The following KCNK3 variants were observed in gnomAD, a reference collection of about 807,000 sequenced individuals.
KCNK3 encodes the protein potassium two pore domain channel subfamily K member 3, also known as potassium channel subfamily K member 3.
Under a neutral mutation model 27.3 loss-of-function variants are expected in KCNK3, and 9 were observed. The observed-to-expected ratio is 0.33, with a 90% CI of 0.20 to 0.57. The LOEUF (loss-of-function observed/expected upper bound fraction) is 0.57. Ranked by LOEUF, KCNK3 falls within the 20% of genes least tolerant of loss-of-function variation. The pLI, the probability that KCNK3 is intolerant of heterozygous loss-of-function variation, is 0.87. For synonymous variants in KCNK3, 278 were observed against 273.8 expected (o/e 1.02, Z -0.15); for missense variants, 391 against 577.7 (o/e 0.68, Z 3.31).
intron 1 of KCNK3, among the ~76,000 whole-genome samples, chr2:26,701,458 G>A (rs1443051011): frequency 6.6e-6 from 1 of 152,168 alleles, no homozygotes; most frequent in Non-Finnish European, 1.5e-5. Flanking sequence ...GGGACCACTG[G>A]TCCTCAGTTG....
chr2:26,726,082 T>TACACAC (rs147849352), intron 1 of KCNK3, among the ~76,000 whole-genome samples: 2 of 139,946 alleles, frequency 1.4e-5, no homozygotes, highest in African/African-American at 5.3e-5. Flanking sequence ...AAATCATGCA[T>TACACAC]ACACACACAC....
chr2:26,726,902 A>G (rs533565016), intron 1 of KCNK3, among the ~76,000 whole-genome samples: 1 of 152,158 alleles, frequency 6.6e-6, no homozygotes, highest in Non-Finnish European at 1.5e-5. Context: ...CAGATCCTAC[A>G]TCAGGTCAAG....
intron 1 of KCNK3, among the ~76,000 whole-genome samples, chr2:26,719,088 C>T (rs990992841): frequency 6.6e-6 from 1 of 152,202 alleles, no homozygotes; most frequent in Middle Eastern, 3.2e-3. Flanking sequence ...TTTAACCAAA[C>T]TCTATTGGTG....
chr2:26,702,498 G>A (rs778947196), intron 1 of KCNK3, among the ~76,000 whole-genome samples: 11 of 152,206 alleles, frequency 7.2e-5, no homozygotes, highest in Non-Finnish European at 1.5e-4. Flanking sequence ...TGCTCTGAGT[G>A]TGTCCAAGGG....
At position 26,729,933 on chromosome 2, in the gene KCNK3, C is replaced by CT. The variant is rs1663506076; in HGVS notation, c.*1365_*1366insT. The CT allele has an allele frequency of 6.6e-6, 1 of 152,080 alleles. No individual in the cohort carries two copies. 9.4% of individuals were successfully genotyped at this position (152,080 alleles called of 1,614,324 possible). On this transcript the variant is annotated 3_prime_UTR_variant, in exon 2 of 2. Coordinates refer to ENST00000302909, the MANE Select transcript of KCNK3 (RefSeq NM_002246.3). ...TTCCAGCTTGGCCTGCTCTTAAAAG[C>CT]AAAGCTCCTGCAGTGTACATCCTGG...
Position 26,708,234 on chromosome 2 carries a change from G to A in KCNK3, c.283+15076G>A, listed in dbSNP as rs533331452. On this transcript the variant is annotated intron_variant, in intron 1 of 1. Coordinates refer to ENST00000302909, the MANE Select transcript of KCNK3 (RefSeq NM_002246.3). ...GAACAGATTTCTGGGCAGGGGAAGAGCAGATGCAAAGGCCTCAAGCAGGCC... is the reference window on the plus strand; with the variant it reads ...GAACAGATTTCTGGGCAGGGGAAGAACAGATGCAAAGGCCTCAAGCAGGCC... Among the ~76,000 whole-genome samples the A allele has an allele frequency of 3.9e-5, 6 of 152,308 alleles. No homozygotes were observed. In the East Asian group the frequency reaches 1.2e-3, roughly 29 times the overall value.
At chr2:26,709,718 GTAAA>G (rs1217237990) in intron 1 of KCNK3, among the ~76,000 whole-genome samples, 6 of 152,254 alleles carry the variant, frequency 3.9e-5, no homozygotes, top group African/African-American at 1.4e-4. Flanking sequence ...AGGCCTTTCC[GTAAA>G]TGCTTCACAC....
chr2:26,717,989 G>A (rs1663262261), intron 1 of KCNK3, among the ~76,000 whole-genome samples: 1 of 152,178 alleles, frequency 6.6e-6, no homozygotes, highest in Non-Finnish European at 1.5e-5. Context: ...GGGGCTTACA[G>A]TTTCACCCAT....
chr2:26,697,403 G>T (rs543416311), intron 1 of KCNK3, among the ~76,000 whole-genome samples: 1 of 152,298 alleles, frequency 6.6e-6, no homozygotes, highest in South Asian at 2.1e-4. Context: ...TACTCAGGAG[G>T]CTGAGGCATG....
chr2:26,728,523 C>T lies in KCNK3; in HGVS notation c.1140C>T (p.Ser380=). The change falls in exon 2 of 2, where the codon AGC becomes AGT. Residue 380 remains serine (S), a synonymous_variant. Transcript: ENST00000302909. ...AISSVSTGLH[S]LSTFRGLMKR... Reference sequence around the variant, plus strand: ...GCTCGGTGTCCACGGGTCTGCACAGCCTGTCCACCTTCCGCGGCCTCATGA... The same window carrying T: ...GCTCGGTGTCCACGGGTCTGCACAGTCTGTCCACCTTCCGCGGCCTCATGA... The T allele has an allele frequency of 1.3e-6, 2 of 1,482,696 alleles. No individual in the cohort carries two copies. Among genetic ancestry groups the T allele is most frequent in the Non-Finnish European group, 1.8e-6 (2 of 1,115,250 alleles). The allele number at this position is 1,482,696 out of a possible 1,614,324, so 91.8% of individuals were successfully genotyped here.
chr2:26,719,937 C>A (rs1026195768), intron 1 of KCNK3, among the ~76,000 whole-genome samples: 1 of 152,204 alleles, frequency 6.6e-6, no homozygotes, highest in African/African-American at 2.4e-5. Flanking sequence ...CTAGTCCCTG[C>A]TCCTCTCTCA....
At chr2:26,717,022 G>T (rs1399276719) in intron 1 of KCNK3, among the ~76,000 whole-genome samples, 1 of 152,132 alleles carries the variant, frequency 6.6e-6, no homozygotes, top group Non-Finnish European at 1.5e-5. Flanking sequence ...TGGTTCTATG[G>T]CAGAGTCAAG....
At chr2:26,714,801 AC>A (rs56032437) in intron 1 of KCNK3, among the ~76,000 whole-genome samples, 59,962 of 151,732 alleles carry the variant, frequency 0.4, 13,744 homozygotes, top group Admixed American at 0.52. Context: ...CAGGAGAATC[AC>A]TTGAACCCAG....
Position 26,692,810 on chromosome 2 carries a change from A to G in KCNK3, c.-66A>G, listed in dbSNP as rs1438031001. 12 of 891,592 alleles carry G rather than the reference A, an allele frequency of 1.3e-5. No individual in the cohort carries two copies. The highest frequency in any genetic ancestry group is 5.0e-5 in the South Asian group (1 of 20,084). The allele number at this position is 891,592 out of a possible 1,614,324, so 55.2% of individuals were successfully genotyped here. ...CCCAGGCCGCCTCCGGGGCAGCAGCAGCGGCGGCCGGGGCCGAGGCGCGGG... is the reference window on the plus strand; with the variant it reads ...CCCAGGCCGCCTCCGGGGCAGCAGCGGCGGCGGCCGGGGCCGAGGCGCGGG... On this transcript the variant is annotated 5_prime_UTR_variant, in exon 1 of 2. Coordinates refer to ENST00000302909, the MANE Select transcript of KCNK3 (RefSeq NM_002246.3). The surrounding 1 kb of genome is among the most constrained non-coding windows in gnomAD (Gnocchi z 5.6).
chr2:26,694,578 A>G (rs13419164), intron 1 of KCNK3, among the ~76,000 whole-genome samples: 11,274 of 152,042 alleles, frequency 0.074, 1,445 homozygotes, highest in African/African-American at 0.26. Context: ...AAGAGGGAGG[A>G]AAGGGCCCTG....
intron 1 of KCNK3, among the ~76,000 whole-genome samples, chr2:26,700,446 T>C (rs1174174422): frequency 9.9e-5 from 15 of 152,204 alleles, no homozygotes; most frequent in Admixed American, 7.9e-4. Context: ...ACCTTCACTT[T>C]CCCATTTGCT....
rs997304102 is a variant in KCNK3, at chr2:26,733,306, G to A, written c.*4738G>A. ...AACGTGTCCCATGGTATGCCTCGTG[G>A]AAAAAATGGTTCGTTGGTCAAATGA... On this transcript the variant is annotated 3_prime_UTR_variant, in exon 2 of 2. Coordinates refer to ENST00000302909, the MANE Select transcript of KCNK3 (RefSeq NM_002246.3). 2 of 152,104 alleles carry A rather than the reference G, an allele frequency of 1.3e-5. No individual in the cohort carries two copies. The highest frequency in any genetic ancestry group is 4.8e-5 in the African/African-American group (2 of 41,434). The allele number at this position is 152,104 out of a possible 1,614,324, so 9.4% of individuals were successfully genotyped here.
At chr2:26,710,854 A>G (rs144171245) in intron 1 of KCNK3, among the ~76,000 whole-genome samples, 2 of 152,198 alleles carry the variant, frequency 1.3e-5, no homozygotes, top group African/African-American at 4.8e-5. Flanking sequence ...AAAGCCTGAC[A>G]GGGGGCTGCA....
intron 1 of KCNK3, among the ~76,000 whole-genome samples, chr2:26,714,681 T>G (rs925423699): frequency 4.7e-5 from 7 of 150,504 alleles, no homozygotes; most frequent in African/African-American, 1.7e-4. Flanking sequence ...AGGTCAGGAG[T>G]TCGAGACCAG....
Sources: allele counts gnomAD v4.1 joint callset (sites outside exome capture counted in the v4.1 genomes callset), GRCh38; gene constraint gnomAD v4.1.1; non-coding constraint Gnocchi (gnomAD v3.1); transcripts MANE v1.5; gene names NCBI Gene and HGNC (gene_info 2026-07-23, HGNC 2026-07-21).